Variants in GDF1 observed in about 807,000 individuals in gnomAD.
GDF1 encodes embryonic growth/differentiation factor 1.
Under a neutral mutation model 7.4 loss-of-function variants are expected in GDF1, and 8 were observed. The ratio of observed to expected loss-of-function variants is 1.09; its 90% CI spans 0.64 to 1.96. The LOEUF (loss-of-function observed/expected upper bound fraction) is 1.96. GDF1 is among the 30% of genes most tolerant of loss of function. The pLI is 0.00. For synonymous variants in GDF1, 311 were observed against 276.7 expected, an observed-to-expected ratio of 1.12 and a Z score of -1.23; for missense variants, 574 against 551.5, an observed-to-expected ratio of 1.04 and a Z score of -0.41.
Position 18,880,437 on chromosome 19 carries a change from T to C in GDF1, c.-732-2A>G. 6.3e-7 allele frequency: 1 copy of C among 1,579,074 alleles called. No individual in the cohort carries two copies. Among genetic ancestry groups the C allele is most frequent in the Non-Finnish European group, 8.6e-7 (1 of 1,159,836 alleles). On this transcript the variant is annotated splice_acceptor_variant, in intron 3 of 7. Transcript: ENST00000247005. LOFTEE classifies it low-confidence loss of function (5UTR_SPLICE). ...ACAAGGATGCCCACATTGTGGTACC[T>C]GGGGGAGCAGCAGGCAGAGAGGAGA...
Position 18,884,288 on chromosome 19 carries a change from C to G in GDF1, c.-913-21G>C, listed in dbSNP as rs774482354. 2.5e-6 allele frequency: 4 copies of G among 1,599,990 alleles called. No homozygotes were observed. In the South Asian group the frequency reaches 4.5e-5, roughly 18 times the overall value. On this transcript the variant is annotated intron_variant, in intron 2 of 7. Coordinates refer to ENST00000247005, the MANE Select transcript of GDF1 (RefSeq NM_001492.6). ...CCAGTCTGGGGAGAGCCAAATCTCA[C>G]AGTCAGGGCCCTGCGAAGCCTCTAG...
In GDF1 at chr19:18,895,839, A is replaced by G. The variant is rs113536478; in HGVS notation, c.-1089T>C. The G allele has an allele frequency of 0.2, 251,556 of 1,279,768 alleles. 27,646 individuals carry two copies. The highest frequency in any genetic ancestry group is 0.45 in the African/African-American group (28,215 of 62,562). 79.3% of individuals were successfully genotyped at this position (1,279,768 alleles called of 1,614,324 possible). A position where few individuals can be genotyped will look rare whatever the true frequency, so the allele number is the denominator to read the frequency against. On this transcript the variant is annotated 5_prime_UTR_variant, in exon 1 of 8. Transcript: ENST00000247005. The surrounding 1 kb of genome is among the most constrained non-coding windows in gnomAD (Gnocchi z 6.4). ...CCACACTGACCCGAAAGAGGCGCGCAGTGGCCGCGGAGCGCAGGGCGGTCC... is the reference window on the plus strand; with the variant it reads ...CCACACTGACCCGAAAGAGGCGCGCGGTGGCCGCGGAGCGCAGGGCGGTCC...
chr19:18,890,130 T>C (rs1160009322), intron 2 of GDF1, among the ~76,000 whole-genome samples: 2 of 152,316 alleles, frequency 1.3e-5, no homozygotes, highest in East Asian at 1.9e-4. Context: ...CTGGATGGCA[T>C]GGCCCCCACT....
chr19:18,885,660 C>T (rs1601175943), intron 2 of GDF1, among the ~76,000 whole-genome samples: 1 of 151,546 alleles, frequency 6.6e-6, no homozygotes, highest in East Asian at 1.9e-4. Flanking sequence ...GCTGGGATTA[C>T]AGGCACCCAC....
At position 18,893,506 on chromosome 19, in the gene GDF1, G is replaced by C. The variant is rs1039358825; in HGVS notation, c.-1004C>G. ...TAGCTCCAGCTGCCCAGGTAGAAGA[G>C]AAACTTCCAAGCGCTCTCGGGCATC... On this transcript the variant is annotated 5_prime_UTR_variant, in exon 2 of 8. Transcript: ENST00000247005. 6.2e-7 allele frequency: 1 copy of C among 1,610,302 alleles called. No homozygotes were observed. Among genetic ancestry groups the C allele is most frequent in the Admixed American group, 1.7e-5 (1 of 59,506 alleles).
Position 18,869,415 on chromosome 19 carries a change from G to A in GDF1, c.326-25C>T, listed in dbSNP as rs907488748. The stretch of plus-strand genomic sequence containing the variant: ...CCTGGGGAGGTAGGAACAGGAACTC[G>A]GCTCGCGCTGCGTCCCCGGCCTGCC... On this transcript the variant is annotated intron_variant, in intron 7 of 7. Transcript: ENST00000247005. 25 of 1,525,190 alleles carry A rather than the reference G, an allele frequency of 1.6e-5. No homozygotes were observed. In the African/African-American group the frequency reaches 2.9e-4, roughly 18 times the overall value. The allele number at this position is 1,525,190 out of a possible 1,614,324, so 94.5% of individuals were successfully genotyped here.
chr19:18,883,973 A>G (rs2056281296), intron 3 of GDF1, 114 bp downstream of exon 3: 3 of 1,154,044 alleles, frequency 2.6e-6, no homozygotes, highest in Middle Eastern at 2.7e-4. Flanking sequence ...AACCCTGAGC[A>G]CTCCGACCTG....
Position 18,885,810 on chromosome 19 carries a change from C to T in GDF1, c.-913-1543G>A, listed in dbSNP as rs534729056. ...CTGGGATTACGGGCGTGAGCCGCTG[C>T]GCCCGGCCTCTTCCTGTCTTTAACA... is the stretch of plus-strand genomic sequence containing the variant. On this transcript the variant is annotated intron_variant, in intron 2 of 7. Transcript: ENST00000247005. Among the ~76,000 whole-genome samples, 17 of 152,248 alleles carry T rather than the reference C, an allele frequency of 1.1e-4. No homozygotes were observed. The East Asian group carries it at 2.7e-3, about 24-fold the overall frequency.
At chr19:18,877,013 G>C (rs761935270) in intron 6 of GDF1, among the ~76,000 whole-genome samples, 1 of 152,166 alleles carries the variant, frequency 6.6e-6, no homozygotes, top group Non-Finnish European at 1.5e-5. Flanking sequence ...TGGGCATCCT[G>C]ACGGGCTCTT....
intron 2 of GDF1, among the ~76,000 whole-genome samples, chr19:18,885,437 T>C (rs1451161812): frequency 6.6e-6 from 1 of 151,538 alleles, no homozygotes; most frequent in Non-Finnish European, 1.5e-5. Context: ...GCTCAAGCAA[T>C]CCTCCTGCCT....
intron 6 of GDF1, among the ~76,000 whole-genome samples, chr19:18,876,063 C>T (rs1442742871): frequency 1.3e-5 from 2 of 152,186 alleles, no homozygotes; most frequent in Non-Finnish European, 2.9e-5. Flanking sequence ...TTTTTCACTG[C>T]AACCTCTGCC....
chr19:18,882,501 A>G (rs1459992332), intron 3 of GDF1, among the ~76,000 whole-genome samples: 1 of 151,254 alleles, frequency 6.6e-6, no homozygotes, highest in East Asian at 2.0e-4. Flanking sequence ...GTGTGATGTC[A>G]TACCCCTGTA....
chr19:18,869,425 G>A, intron 7 of GDF1, 35 bp from the exon 8 acceptor site: 2 of 1,523,440 alleles, frequency 1.3e-6, no homozygotes, highest in East Asian at 2.5e-5. Flanking sequence ...GGCTCGCGCT[G>A]CGTCCCCGGC....
In GDF1 at chr19:18,869,170, C is replaced by A. The variant is rs1232378665; in HGVS notation, c.546G>T (p.Leu182=). 8.7e-7 allele frequency: 1 copy of A among 1,147,820 alleles called. No homozygotes were observed. The highest frequency in any genetic ancestry group is 1.1e-6 in the Non-Finnish European group (1 of 934,910). 71.1% of individuals were successfully genotyped at this position (1,147,820 alleles called of 1,614,324 possible). ...CCAGGGCGGGCACCAACTGGCGGAG[C>A]AGCACCGGCCCGGGGTCCGCGCCCG... The part of the protein sequence containing the change: ...QGAGADPGPV[L]LRQLVPALGP... Residue 182 remains leucine, a synonymous_variant, in exon 8 of 8, where the codon CTG becomes CTT. Coordinates refer to ENST00000247005, the MANE Select transcript of GDF1 (RefSeq NM_001492.6).
At chr19:18,893,291 C>T (rs1601191937) in intron 2 of GDF1, 125 bp downstream of exon 2, 2 of 1,082,594 alleles carry the variant, frequency 1.8e-6, no homozygotes, top group Admixed American at 5.0e-5. Flanking sequence ...CATAGCTCCC[C>T]TTGGCCTCCA....
At position 18,891,069 on chromosome 19, in the gene GDF1, A is replaced by G. The variant is rs370860417; in HGVS notation, c.-914+2347T>C. 1.3e-4 allele frequency among the ~76,000 whole-genome samples: 19 copies of G among 151,862 alleles called. No individual in the cohort carries two copies. In the South Asian group the frequency reaches 4.0e-3, roughly 32 times the overall value. On this transcript the variant is annotated intron_variant, in intron 2 of 7. Coordinates refer to ENST00000247005, the MANE Select transcript of GDF1 (RefSeq NM_001492.6). ...AACCTGGGAGGTGGAGATTGCAGTG[A>G]GCCGAGATCGTGCCATTGCACTCCA... is the stretch of plus-strand genomic sequence containing the variant.
rs1374303392 is a variant in GDF1 at position 18,870,697 on chromosome 19, C to A, written c.-312-78G>T. The A allele has an allele frequency of 4.0e-6, 2 of 501,140 alleles. No homozygotes were observed. Among genetic ancestry groups the A allele is most frequent in the Non-Finnish European group, 3.6e-6 (1 of 276,808 alleles). The allele number at this position is 501,140 out of a possible 1,614,324, so 31.0% of individuals were successfully genotyped here. A position where few individuals can be genotyped will look rare whatever the true frequency, so the allele number is the denominator to read the frequency against. On this transcript the variant is annotated intron_variant, in intron 6 of 7. Transcript: ENST00000247005. The surrounding 1 kb of genome is among the most constrained non-coding windows in gnomAD (Gnocchi z 5.1). ...GCCCTCTTTCCCGCTTCTTCTCTGGCCGTTTCACACCCCCTGGCTCCTTTT... is the reference window on the plus strand; with the variant it reads ...GCCCTCTTTCCCGCTTCTTCTCTGGACGTTTCACACCCCCTGGCTCCTTTT...
intron 4 of GDF1, among the ~76,000 whole-genome samples, chr19:18,879,893 C>T (rs539220614): frequency 4.6e-5 from 7 of 151,494 alleles, no homozygotes; most frequent in East Asian, 2.0e-4. Flanking sequence ...AGCCCTACCT[C>T]TTTCTCTGCC....
Position 18,878,552 on chromosome 19 carries a change from G to C in GDF1, c.-313+378C>G. 3.9e-6 allele frequency: 4 copies of C among 1,031,950 alleles called. No homozygotes were observed. Among genetic ancestry groups the C allele is most frequent in the South Asian group, 3.6e-5 (1 of 27,664 alleles). The allele number at this position is 1,031,950 out of a possible 1,614,324, so 63.9% of individuals were successfully genotyped here. Reference sequence around the variant, plus strand: ...TTCCTCCCCAGCCCCACTGCCACCAGCTCCAGTGGCGACATGGGTCAGAGG... The same window carrying C: ...TTCCTCCCCAGCCCCACTGCCACCACCTCCAGTGGCGACATGGGTCAGAGG... On this transcript the variant is annotated intron_variant, in intron 6 of 7. Transcript: ENST00000247005. The surrounding 1 kb of genome is among the most constrained non-coding windows in gnomAD (Gnocchi z 4.6).
Sources: gnomAD v4.1 joint callset for allele counts (sites outside exome capture counted in the v4.1 genomes callset) on GRCh38, gnomAD v4.1.1 for gene constraint, Gnocchi (gnomAD v3.1) non-coding constraint, MANE v1.5 for transcripts, NCBI Gene and HGNC (gene_info 2026-07-23, HGNC 2026-07-21) for gene names.